Variants in TRAF3IP2 observed in about 807,000 individuals in gnomAD.
TRAF3IP2 encodes E3 ubiquitin ligase TRAF3IP2.
TRAF3IP2 carries 35 observed loss-of-function variants against 57.9 expected under a neutral mutation model. The observed-to-expected ratio is 0.60, with a 90% confidence interval of 0.46 to 0.80. The LOEUF is 0.80. Ranked by LOEUF, TRAF3IP2 falls within the 30% of genes least tolerant of loss-of-function variation. The pLI, the probability that TRAF3IP2 is intolerant of heterozygous loss-of-function variation, is 0.00. For missense variants in TRAF3IP2, 556 were observed against 706.4 expected (o/e 0.79, Z 2.41); for synonymous variants, 251 against 268.9 (o/e 0.93, Z 0.65).
intron 1 of TRAF3IP2, among the ~76,000 whole-genome samples, chr6:111,593,771 C>T (rs1017952992): frequency 6.6e-6 from 1 of 152,130 alleles, no homozygotes; most frequent in Non-Finnish European, 1.5e-5. Flanking sequence ...AGTGATCAGA[C>T]CTTATAAAAA....
chr6:111,580,224 C>T lies in TRAF3IP2; in HGVS notation c.995G>A (p.Cys332Tyr), dbSNP rs914734693. ...GTGCCTTGGAAGCCCCGGAAAGGAGCAGTCTCTCTGTGCGGGCCTCTCTTC... is the reference window on the plus strand; with the variant it reads ...GTGCCTTGGAAGCCCCGGAAAGGAGTAGTCTCTCTGTGCGGGCCTCTCTTC... ...DHEERPAQRD[C>Y]SFPGLPRHQD... Residue 332 changes from cysteine (C) to tyrosine (Y), a missense_variant, in exon 3 of 9, where the codon TGC becomes TAC. Around this residue, in one of 2 missense-constraint regions of TRAF3IP2, gnomAD observed 428 missense variants for 498.7 expected, o/e 0.86. Transcript: ENST00000368761. 1 of 1,614,190 alleles carries T rather than the reference C, an allele frequency of 6.2e-7. No individual in the cohort carries two copies. The highest frequency in any genetic ancestry group is 1.1e-5 in the South Asian group (1 of 91,086).
At chr6:111,582,726 C>A (rs1796205997) in intron 2 of TRAF3IP2, among the ~76,000 whole-genome samples, 1 of 152,084 alleles carries the variant, frequency 6.6e-6, no homozygotes. Flanking sequence ...ATGAGCAGAC[C>A]CTTTACAAAC....
Position 111,559,180 on chromosome 6 carries a change from A to T in TRAF3IP2, c.*225T>A. On this transcript the variant is annotated 3_prime_UTR_variant, in exon 9 of 9. Transcript: ENST00000368761. The stretch of plus-strand genomic sequence containing the variant: ...CACTGGCACCTGCAATGGTTTTTTT[A>T]AAAGCAGAGAATGCAGAGCAGTCAC... 1 of 491,808 alleles carries T rather than the reference A, an allele frequency of 2.0e-6. No individual in the cohort carries two copies. The highest frequency in any genetic ancestry group is 3.5e-6 in the Non-Finnish European group (1 of 285,478). The allele number at this position is 491,808 out of a possible 1,614,324, so 30.5% of individuals were successfully genotyped here.
At chr6:111,580,689 C>T (rs1333681270) in intron 2 of TRAF3IP2, among the ~76,000 whole-genome samples, 1 of 152,210 alleles carries the variant, frequency 6.6e-6, no homozygotes, top group Non-Finnish European at 1.5e-5. Flanking sequence ...TCGTAAGATA[C>T]TTAGGAAAAT....
chr6:111,599,761 C>T (rs566447791), intron 1 of TRAF3IP2: 3 of 152,366 alleles, frequency 2.0e-5, no homozygotes, highest in Non-Finnish European at 4.4e-5. Context: ...TCTTCAGGTC[C>T]GTTAGAGTCC....
At chr6:111,576,136 T>C (rs1000141927) in intron 3 of TRAF3IP2, among the ~76,000 whole-genome samples, 1 of 152,078 alleles carries the variant, frequency 6.6e-6, no homozygotes, top group African/African-American at 2.4e-5. Context: ...CAAAACAAAG[T>C]AGTATGACAG....
chr6:111,565,376 A>C (rs558914694), intron 7 of TRAF3IP2: 2 of 152,220 alleles, frequency 1.3e-5, no homozygotes, highest in Non-Finnish European at 2.9e-5. Flanking sequence ...CTTCCCCCTC[A>C]TGAAGTGTTA....
At chr6:111,597,157 C>T (rs1340919573) in intron 1 of TRAF3IP2, among the ~76,000 whole-genome samples, 1 of 152,100 alleles carries the variant, frequency 6.6e-6, no homozygotes, top group East Asian at 1.9e-4. Flanking sequence ...TGACCCTTCC[C>T]TCTTCTTTTT....
intron 1 of TRAF3IP2, among the ~76,000 whole-genome samples, chr6:111,603,084 GCACACACACACACACA>G (rs3066041): frequency 6.7e-6 from 1 of 149,858 alleles, no homozygotes; most frequent in African/African-American, 2.5e-5. Flanking sequence ...CACAAGGTGT[GCACACACACACACACA>G]CACACACACA....
chr6:111,574,740 T>C (rs1251468435), intron 4 of TRAF3IP2: 1 of 152,222 alleles, frequency 6.6e-6, no homozygotes, highest in Non-Finnish European at 1.5e-5. Context: ...GAGCATCATT[T>C]AGAAGAGGGA....
At chr6:111,575,611 GGAA>G in intron 4 of TRAF3IP2, 29 bp downstream of exon 4, 2 of 1,542,208 alleles carry the variant, frequency 1.3e-6, no homozygotes, top group Non-Finnish European at 1.8e-6. Context: ...AAAAAAAAGA[GGAA>G]GGAGAGAACA....
rs2128371940 is a variant in TRAF3IP2 at position 111,567,420 on chromosome 6, T to C, written c.1359+204A>G. 3 of 1,308,710 alleles carry C rather than the reference T, an allele frequency of 2.3e-6. No individual in the cohort carries two copies. In the South Asian group the frequency reaches 7.3e-5, roughly 32 times the overall value. 81.1% of individuals were successfully genotyped at this position (1,308,710 alleles called of 1,614,324 possible). A position where few individuals can be genotyped will look rare whatever the true frequency, so the allele number is the denominator to read the frequency against. On this transcript the variant is annotated intron_variant, in intron 6 of 8. Transcript: ENST00000368761. ...AACCACCTGTGTCTGGTTTGACCGT[T>C]ATTTCCTGCCTGTGCATGTCCAAGA...
intron 1 of TRAF3IP2, among the ~76,000 whole-genome samples, chr6:111,603,607 A>G (rs1796942264): frequency 6.6e-6 from 1 of 152,246 alleles, no homozygotes; most frequent in Admixed American, 6.5e-5. Flanking sequence ...CTACCCCACC[A>G]TAATCTTTCT....
At position 111,564,458 on chromosome 6, in the gene TRAF3IP2, CA is replaced by C. The variant is rs1795557455; in HGVS notation, c.1477-1420del. On this transcript the variant is annotated intron_variant, in intron 7 of 8. Coordinates refer to ENST00000368761, the MANE Select transcript of TRAF3IP2 (RefSeq NM_147686.4). ...CCCAGCCTGTGGAGGGGCCAGCCAG[CA>C]GCAGTGCATTTTTATTTTCTCTCAC... Among the ~76,000 whole-genome samples the C allele has an allele frequency of 2.0e-5, 3 of 152,336 alleles. No individual in the cohort carries two copies. The East Asian group carries it at 5.8e-4, about 29-fold the overall frequency.
rs1448162763 is a variant in TRAF3IP2 at position 111,605,808 on chromosome 6, C to G, written c.-41G>C. ...CCACCACGGACAGACAGACTGGGCCCGGAGGGTAGTCGGCTCTCGGCGGCT... is the reference window on the plus strand; with the variant it reads ...CCACCACGGACAGACAGACTGGGCCGGGAGGGTAGTCGGCTCTCGGCGGCT... On this transcript the variant is annotated 5_prime_UTR_variant, in exon 1 of 9. Coordinates refer to ENST00000368761, the MANE Select transcript of TRAF3IP2 (RefSeq NM_147686.4). 1 of 152,102 alleles carries G rather than the reference C, an allele frequency of 6.6e-6. No homozygotes were observed. Among genetic ancestry groups the G allele is most frequent in the Non-Finnish European group, 1.5e-5 (1 of 68,014 alleles). The allele number at this position is 152,102 out of a possible 1,614,324, so 9.4% of individuals were successfully genotyped here.
At chr6:111,569,118 G>C (rs189261202) in intron 5 of TRAF3IP2, among the ~76,000 whole-genome samples, 2,223 of 152,242 alleles carry the variant, frequency 0.015, 27 homozygotes, top group Non-Finnish European at 0.018. Context: ...CTGTTATTTT[G>C]GTTTAGATGA....
rs190729415 is a variant in TRAF3IP2 at position 111,570,618 on chromosome 6, C to A, written c.1290+2277G>T. 6.6e-5 allele frequency among the ~76,000 whole-genome samples: 10 copies of A among 152,270 alleles called. No homozygotes were observed. In the East Asian group the frequency reaches 1.7e-3, roughly 26 times the overall value. On this transcript the variant is annotated intron_variant, in intron 5 of 8. Coordinates refer to ENST00000368761, the MANE Select transcript of TRAF3IP2 (RefSeq NM_147686.4). ...CAGATTTAAATTCTGCCTATGTGGC[C>A]CCTGGTTGTGAAGATAAACAAACAA...
At chr6:111,572,624 G>T (rs560975998) in intron 5 of TRAF3IP2, 37 of 326,178 alleles carry the variant, frequency 1.1e-4, no homozygotes, top group African/African-American at 7.6e-4. Context: ...GCCAGGGGCC[G>T]CTGCATATGT....
intron 7 of TRAF3IP2, among the ~76,000 whole-genome samples, chr6:111,563,882 T>C (rs1329558531): frequency 6.6e-6 from 1 of 152,148 alleles, no homozygotes; most frequent in Non-Finnish European, 1.5e-5. Flanking sequence ...CAAGAAGATT[T>C]AGCTACCAAG....
Sources: gnomAD v4.1 joint callset for allele counts (sites outside exome capture counted in the v4.1 genomes callset) on GRCh38, gnomAD v4.1.1 for gene constraint, gnomAD v4.1.1 regional missense constraint, MANE v1.5 for transcripts, NCBI Gene and HGNC (gene_info 2026-07-23, HGNC 2026-07-21) for gene names.